The following TET3 variants were observed in gnomAD, a reference collection of about 807,000 sequenced individuals.
TET3 encodes the protein tet methylcytosine dioxygenase 3.
Under a neutral mutation model 141.4 loss-of-function variants are expected in TET3, and 19 were observed. That is an observed-to-expected ratio of 0.13 (90% CI 0.09 to 0.20). The LOEUF (loss-of-function observed/expected upper bound fraction) is 0.20. TET3 is among the 10% of genes least tolerant of loss of function. The probability of loss-of-function intolerance (pLI) is 1.00; values close to 1 mark genes in which losing one functional copy is unlikely to be tolerated. For missense variants in TET3, 1,874 were observed against 2,356.9 expected (o/e 0.80, Z 4.24); for synonymous variants, 1,043 against 980.9 (o/e 1.06, Z -1.18).
the TET3 span, among the ~76,000 whole-genome samples, chr2:74,115,607 AAAG>A: frequency 6.6e-6 from 1 of 152,216 alleles, no homozygotes; most frequent in Non-Finnish European, 1.5e-5. Flanking sequence ...AGAGCTAAAA[AAAG>A]AAAGAGGCCT....
At chr2:74,129,762 CTGT>C in the TET3 span, among the ~76,000 whole-genome samples, 2 of 152,080 alleles carry the variant, frequency 1.3e-5, no homozygotes, top group Non-Finnish European at 2.9e-5. Flanking sequence ...AGGCAGGAGT[CTGT>C]TGTTACACTC....
Position 74,023,908 on chromosome 2 carries a change from C to A in TET3, c.360+20742C>A, listed in dbSNP as rs182502973. On this transcript the variant is annotated intron_variant, in intron 3 of 11. Coordinates refer to ENST00000409262, the MANE Select transcript of TET3 (RefSeq NM_001287491.2). Reference sequence around the variant, plus strand: ...CATCTCTTGGATTCATTTATAAATACCACTACATTTTGTTTTCTAATCCAC... The same window carrying A: ...CATCTCTTGGATTCATTTATAAATAACACTACATTTTGTTTTCTAATCCAC... 3.3e-3 allele frequency among the ~76,000 whole-genome samples: 499 copies of A among 152,212 alleles called. 2 individuals carry two copies. The highest frequency in any genetic ancestry group is 0.012 in the African/African-American group (486 of 41,532).
intron 6 of TET3, among the ~76,000 whole-genome samples, chr2:74,081,762 AC>A (rs1264990055): frequency 6.6e-6 from 1 of 152,174 alleles, no homozygotes; most frequent in African/African-American, 2.4e-5. Flanking sequence ...CCTGGTATAC[AC>A]CCTGTGCCTT....
chr2:74,090,801 T>C (rs1414638774), intron 8 of TET3, among the ~76,000 whole-genome samples: 1 of 152,230 alleles, frequency 6.6e-6, no homozygotes, highest in Non-Finnish European at 1.5e-5. Flanking sequence ...CAGCTCCAAA[T>C]GCAAGGAAGG....
At chr2:74,013,673 G>C (rs764813459) in intron 3 of TET3, among the ~76,000 whole-genome samples, 2 of 152,008 alleles carry the variant, frequency 1.3e-5, no homozygotes, top group Admixed American at 1.3e-4. Flanking sequence ...TTAGCCGGGC[G>C]TGGTGGCGGG....
At chr2:74,059,283 C>T (rs936836876) in intron 4 of TET3, among the ~76,000 whole-genome samples, 8 of 152,184 alleles carry the variant, frequency 5.3e-5, no homozygotes, top group Admixed American at 1.3e-4. Flanking sequence ...GACGGAGTCT[C>T]GCTGTGTTGA....
At chr2:74,126,914 G>T in the TET3 span, among the ~76,000 whole-genome samples, 1 of 152,146 alleles carries the variant, frequency 6.6e-6, no homozygotes, top group Non-Finnish European at 1.5e-5. Flanking sequence ...ATCTGGCCAC[G>T]TAGGAATTAG....
the TET3 span, among the ~76,000 whole-genome samples, chr2:74,133,185 A>C: frequency 6.6e-6 from 1 of 150,584 alleles, no homozygotes; most frequent in Non-Finnish European, 1.5e-5. Context: ...AAGTGCTGGG[A>C]TTACGCGCGT....
the TET3 span, among the ~76,000 whole-genome samples, chr2:74,118,774 A>G: frequency 1.3e-5 from 2 of 152,204 alleles, no homozygotes; most frequent in African/African-American, 4.8e-5. Context: ...GCAGACATCA[A>G]GACACTTCTC....
Position 74,089,888 on chromosome 2 carries a change from G to A in TET3, c.2889-9G>A, listed in dbSNP as rs1345124973. On this transcript the variant is annotated splice_polypyrimidine_tract_variant and intron_variant, in intron 7 of 11. Coordinates refer to ENST00000409262, the MANE Select transcript of TET3 (RefSeq NM_001287491.2). ...CATCTATATCCCTGACCTGTGCTGT[G>A]TGTTGCAGCCGGACCTGCGCTTGCC... is the stretch of plus-strand genomic sequence containing the variant. The A allele has an allele frequency of 5.6e-6, 9 of 1,613,890 alleles. No individual in the cohort carries two copies. The highest frequency in any genetic ancestry group is 4.0e-5 in the African/African-American group (3 of 74,940).
the TET3 span, among the ~76,000 whole-genome samples, chr2:74,131,987 T>C: frequency 1.3e-5 from 2 of 152,042 alleles, no homozygotes; most frequent in Non-Finnish European, 2.9e-5. Flanking sequence ...GCCCGAAGAG[T>C]TCTCTGGTTG....
intron 4 of TET3, among the ~76,000 whole-genome samples, chr2:74,066,753 G>A (rs933223919): frequency 2.0e-5 from 3 of 152,116 alleles, no homozygotes; most frequent in Admixed American, 6.5e-5. Context: ...TTAGATCTTC[G>A]TATCTTGTTT....
intron 3 of TET3, among the ~76,000 whole-genome samples, chr2:74,017,435 C>G (rs80258510): frequency 6.6e-6 from 1 of 152,226 alleles, no homozygotes; most frequent in East Asian, 1.9e-4. Flanking sequence ...GTTCTTCTCT[C>G]TGTTTCTATG....
chr2:73,985,334 G>C (rs1279606685), intron 1 of TET3, among the ~76,000 whole-genome samples, 177 bp downstream of exon 1: 1 of 141,638 alleles, frequency 7.1e-6, no homozygotes, highest in Admixed American at 6.9e-5. Context: ...CCGGGCGGGG[G>C]TGGCGGGGCG....
At chr2:74,027,978 T>C (rs1203977868) in intron 3 of TET3, among the ~76,000 whole-genome samples, 1 of 152,046 alleles carries the variant, frequency 6.6e-6, no homozygotes, top group Non-Finnish European at 1.5e-5. Context: ...TCCCATTGTG[T>C]GGGTTTTTTT....
At chr2:74,074,249 C>T (rs552398645) in intron 5 of TET3, among the ~76,000 whole-genome samples, 3 of 152,116 alleles carry the variant, frequency 2.0e-5, no homozygotes, top group Non-Finnish European at 4.4e-5. Flanking sequence ...GTCCTGGTTC[C>T]TTTTATTGGA....
intron 3 of TET3, among the ~76,000 whole-genome samples, chr2:74,043,311 A>G (rs1392186611): frequency 3.3e-5 from 5 of 152,172 alleles, no homozygotes; most frequent in Non-Finnish European, 7.3e-5. Context: ...GGGTCAGGGA[A>G]AAGCTGATAT....
chr2:74,041,697 T>A (rs931043872), intron 3 of TET3, among the ~76,000 whole-genome samples: 3 of 152,172 alleles, frequency 2.0e-5, no homozygotes, highest in African/African-American at 7.2e-5. Flanking sequence ...GTAGTGAAAA[T>A]TTTTGAAAAA....
chr2:74,116,689 TAAAAA>T, the TET3 span, among the ~76,000 whole-genome samples: 1 of 133,080 alleles, frequency 7.5e-6, no homozygotes, highest in East Asian at 2.2e-4. Flanking sequence ...CATCCCAAGT[TAAAAA>T]AAAAAAAAAA....
Sources: gnomAD v4.1 joint callset for allele counts (sites outside exome capture counted in the v4.1 genomes callset) on GRCh38, gnomAD v4.1.1 for gene constraint, MANE v1.5 for transcripts, NCBI Gene and HGNC (gene_info 2026-07-23, HGNC 2026-07-21) for gene names.